Variants in GNGT1 observed in about 807,000 individuals in gnomAD.
The protein encoded by GNGT1 is guanine nucleotide-binding protein G(T) subunit gamma-T1.
Under a neutral mutation model 7.4 loss-of-function variants are expected in GNGT1, and 4 were observed. That is an observed-to-expected ratio of 0.54 (90% CI 0.27 to 1.24). The LOEUF is 1.24. GNGT1 is among the 50% of genes most tolerant of loss of function. GNGT1 has a pLI of 0.12. For missense variants in GNGT1, 95 were observed against 82.4 expected (o/e 1.15, Z -0.59); for synonymous variants, 37 against 30.2 (o/e 1.23, Z -0.74).
chr7:93,906,920 G>C (rs1387936738), intron 2 of GNGT1, 78 bp downstream of exon 2: 1 of 757,170 alleles, frequency 1.3e-6, no homozygotes, highest in African/African-American at 1.8e-5. Context: ...ACATTGGCTG[G>C]AAAGGCTCAA....
chr7:93,910,842 A>G lies in GNGT1; in HGVS notation c.149A>G (p.Glu50Gly), dbSNP rs754998799. 3 of 1,607,890 alleles carry G rather than the reference A, an allele frequency of 1.9e-6. No individual in the cohort carries two copies. Among genetic ancestry groups the G allele is most frequent in the African/African-American group, 2.7e-5 (2 of 74,802 alleles). Residue 50 changes from glutamate to glycine, a missense_variant, in exon 3 of 3, where the codon GAG becomes GGG. Transcript: ENST00000248572. ...GATTACGTTGAAGAACGATCTGGCGAGGATCCACTGGTAAAGGGCATCCCA... is the reference window on the plus strand; with the variant it reads ...GATTACGTTGAAGAACGATCTGGCGGGGATCCACTGGTAAAGGGCATCCCA... ...VRDYVEERSG[E>G]DPLVKGIPED...
chr7:93,910,729 C>A (rs548379062), intron 2 of GNGT1, 61 bp from the exon 3 acceptor site: 3 of 1,192,598 alleles, frequency 2.5e-6, no homozygotes, highest in Admixed American at 2.3e-5. Context: ...AAATAAATTC[C>A]TGGCATCTGG....
intron 2 of GNGT1, among the ~76,000 whole-genome samples, chr7:93,909,105 G>A (rs1584091038): frequency 6.6e-6 from 1 of 151,928 alleles, no homozygotes; most frequent in Non-Finnish European, 1.5e-5. Context: ...TTTTTTTTGA[G>A]TACGACAAGT....
intron 2 of GNGT1, 44 bp from the exon 3 acceptor site, chr7:93,910,746 C>T (rs542335811): frequency 2.1e-6 from 3 of 1,446,424 alleles, no homozygotes; most frequent in Admixed American, 4.0e-5. Context: ...CTGGAGTATT[C>T]TGTTTTAAAC....
chr7:93,910,844 G>A lies in GNGT1; in HGVS notation c.151G>A (p.Asp51Asn). 2 of 1,607,566 alleles carry A rather than the reference G, an allele frequency of 1.2e-6. No individual in the cohort carries two copies. Among genetic ancestry groups the A allele is most frequent in the Non-Finnish European group, 1.7e-6 (2 of 1,175,292 alleles). ...TTACGTTGAAGAACGATCTGGCGAG[G>A]ATCCACTGGTAAAGGGCATCCCAGA... ...RDYVEERSGEDPLVKGIPEDK... is the reference protein window; with the variant it reads ...RDYVEERSGENPLVKGIPEDK... The change falls in exon 3 of 3, where the codon GAT (aspartate) becomes AAT (asparagine). Residue 51 changes from aspartate to asparagine, a missense_variant. Asp to Asn is a conservative substitution (Grantham distance 23, BLOSUM62 1). Coordinates refer to ENST00000248572, the MANE Select transcript of GNGT1 (RefSeq NM_021955.5).
At chr7:93,910,007 T>C (rs1794436830) in intron 2 of GNGT1, 1 of 153,444 alleles carries the variant, frequency 6.5e-6, no homozygotes, top group Admixed American at 6.5e-5. Context: ...TTCGTGTGTA[T>C]GTATATATAT....
chr7:93,908,605 T>C (rs1389915748), intron 2 of GNGT1, among the ~76,000 whole-genome samples: 1 of 151,934 alleles, frequency 6.6e-6, no homozygotes, highest in Non-Finnish European at 1.5e-5. Context: ...CAAATGAATT[T>C]ATATAGTGTG....
Position 93,909,767 on chromosome 7 carries a change from G to A in GNGT1, c.97-1023G>A, listed in dbSNP as rs183634038. The stretch of plus-strand genomic sequence containing the variant: ...GTTTTACTATGTAATTAATGAGTCT[G>A]CCTAGTTATAAAATAATCTTAAGTC... On this transcript the variant is annotated intron_variant, in intron 2 of 2. Transcript: ENST00000248572. The A allele has an allele frequency of 7.5e-4, 281 of 372,294 alleles. 1 individual carries two copies. Among genetic ancestry groups the A allele is most frequent in the African/African-American group, 4.8e-3 (233 of 48,412 alleles). 23.1% of individuals were successfully genotyped at this position (372,294 alleles called of 1,614,324 possible). A position where few individuals can be genotyped will look rare whatever the true frequency, so the allele number is the denominator to read the frequency against.
intron 2 of GNGT1, among the ~76,000 whole-genome samples, chr7:93,907,425 T>C (rs970789185): frequency 5.3e-5 from 8 of 152,184 alleles, no homozygotes; most frequent in African/African-American, 1.9e-4. Context: ...TGGTCAGTAA[T>C]ACATAAGTAC....
intron 2 of GNGT1, among the ~76,000 whole-genome samples, chr7:93,908,665 T>C (rs1794413498): frequency 6.6e-6 from 1 of 150,900 alleles, no homozygotes; most frequent in Non-Finnish European, 1.5e-5. Flanking sequence ...ATAAAATATA[T>C]AATAATATGT....
At chr7:93,908,524 T>C (rs1424652067) in intron 2 of GNGT1, among the ~76,000 whole-genome samples, 1 of 152,094 alleles carries the variant, frequency 6.6e-6, no homozygotes, top group Non-Finnish European at 1.5e-5. Flanking sequence ...ACGGTAATCC[T>C]ATTTATGAGA....
At position 93,906,838 on chromosome 7, in the gene GNGT1, T is replaced by A; in HGVS notation, c.92T>A (p.Met31Lys). Reference protein sequence around the residue: ...QLKKEVTLERMLVSKCCEEVR... With the variant: ...QLKKEVTLERKLVSKCCEEVR... The stretch of plus-strand genomic sequence containing the variant: ...AAGAAAGAAGTGACACTGGAAAGAA[T>A]GCTAGTAAGTTGCTGCTTTCTTTAG... Residue 31 changes from methionine (M) to lysine (K), a missense_variant, in exon 2 of 3, where the codon ATG becomes AAG. Transcript: ENST00000248572. 6 of 1,558,800 alleles carry A rather than the reference T, an allele frequency of 3.8e-6. No individual in the cohort carries two copies. The highest frequency in any genetic ancestry group is 5.3e-6 in the Non-Finnish European group (6 of 1,139,722).
chr7:93,906,986 T>G, intron 2 of GNGT1, 144 bp downstream of exon 2: 2 of 531,136 alleles, frequency 3.8e-6, no homozygotes, highest in Non-Finnish European at 3.3e-6. Context: ...AGAAAATTGA[T>G]AATCAATCAT....
intron 2 of GNGT1, among the ~76,000 whole-genome samples, chr7:93,907,517 G>A (rs1475510016): frequency 6.6e-6 from 1 of 152,094 alleles, no homozygotes; most frequent in East Asian, 1.9e-4. Flanking sequence ...GACAAATCTT[G>A]GAAAGGGTTA....
intron 2 of GNGT1, chr7:93,910,373 G>A (rs1268995909): frequency 6.5e-6 from 1 of 152,790 alleles, no homozygotes; most frequent in African/African-American, 2.4e-5. Flanking sequence ...AGAATTTAGG[G>A]ATGGTGATAA....
rs1794463101 is a variant in GNGT1, at chr7:93,911,210, T to C, written c.*292T>C. 6.0e-6 allele frequency: 1 copy of C among 165,608 alleles called. No homozygotes were observed. The highest frequency in any genetic ancestry group is 1.3e-5 in the Non-Finnish European group (1 of 77,188). The allele number at this position is 165,608 out of a possible 1,614,324, so 10.3% of individuals were successfully genotyped here. ...TATATTATTCTGAGTTGTCAGCATA[T>C]ATTTACTGTTTTATGTTTTTTCACT... On this transcript the variant is annotated 3_prime_UTR_variant, in exon 3 of 3. Transcript: ENST00000248572.
Position 93,910,888 on chromosome 7 carries a change from G to A in GNGT1, c.195G>A (p.Lys65=), listed in dbSNP as rs1477097163. Residue 65 remains lysine (K), a synonymous_variant, in exon 3 of 3, where the codon AAG becomes AAA. Transcript: ENST00000248572. ...KGIPEDKNPF[K]ELKGGCVIS is the part of the protein sequence containing the mutation. Reference sequence around the variant, plus strand: ...TCCCAGAGGACAAAAATCCCTTCAAGGAGCTCAAAGGAGGCTGTGTGATTT... The same window carrying A: ...TCCCAGAGGACAAAAATCCCTTCAAAGAGCTCAAAGGAGGCTGTGTGATTT... The A allele has an allele frequency of 5.6e-6, 9 of 1,599,020 alleles. No homozygotes were observed. In the East Asian group the frequency reaches 8.9e-5, roughly 16 times the overall value.
At chr7:93,908,184 T>G (rs1794406202) in intron 2 of GNGT1, among the ~76,000 whole-genome samples, 1 of 152,158 alleles carries the variant, frequency 6.6e-6, no homozygotes. Context: ...AATGTCTCTC[T>G]GCTCTTGGAA....
intron 2 of GNGT1, chr7:93,909,739 T>C (rs1195618211): frequency 9.2e-6 from 4 of 434,464 alleles, no homozygotes; most frequent in African/African-American, 7.9e-5. Context: ...TTGAAAATAA[T>C]TTGTTTTACT....
Sources: gnomAD v4.1 joint callset for allele counts (sites outside exome capture counted in the v4.1 genomes callset) on GRCh38, gnomAD v4.1.1 for gene constraint, MANE v1.5 for transcripts, NCBI Gene and HGNC (gene_info 2026-07-23, HGNC 2026-07-21) for gene names.